ARID3A: variants seen among roughly 807,000 people sequenced by gnomAD.
ARID3A encodes AT-rich interaction domain 3A.
A neutral mutation model predicts 52.7 loss-of-function variants in ARID3A; 11 were observed. The observed-to-expected ratio is 0.21, with a 90% confidence interval of 0.13 to 0.35. The LOEUF (loss-of-function observed/expected upper bound fraction) is 0.35, where lower values mean the gene tolerates loss of function less well. ARID3A is among the 10% of genes least tolerant of loss of function. The pLI, the probability that ARID3A is intolerant of heterozygous loss-of-function variation, is 1.00. For missense variants in ARID3A, 721 were observed against 838.5 expected (o/e 0.86, Z 1.73); for synonymous variants, 404 against 359.4 (o/e 1.12, Z -1.40).
At chr19:968,584 C>T (rs1250517894) in intron 8 of ARID3A, 81 bp downstream of exon 8, 7 of 1,367,466 alleles carry the variant, frequency 5.1e-6, no homozygotes. Context: ...TGCGCCTGGT[C>T]CCACCTGCTT....
In ARID3A at chr19:974,183, C is replaced by T. The variant is rs369023137; in HGVS notation, c.*2118C>T. 11 of 224,304 alleles carry T rather than the reference C, an allele frequency of 4.9e-5. No homozygotes were observed. In the South Asian group the frequency reaches 1.6e-3, roughly 34 times the overall value. The allele number at this position is 224,304 out of a possible 1,614,324, so 13.9% of individuals were successfully genotyped here. A position where few individuals can be genotyped will look rare whatever the true frequency, so the allele number is the denominator to read the frequency against. On this transcript the variant is annotated 3_prime_UTR_variant, in exon 9 of 9. Transcript: ENST00000263620. ...TTCTGAGCCCCTGAGTCTAGGTTCA[C>T]TTTCCCGTCGGGCTGTGGGAGGGGA...
intron 4 of ARID3A, among the ~76,000 whole-genome samples, chr19:962,513 C>CTTTTT (rs539409112): frequency 0.038 from 4,428 of 115,100 alleles, 206 homozygotes; most frequent in Non-Finnish European, 0.053. Context: ...GCTGCTGATC[C>CTTTTT]TTTTTTTTTT....
chr19:953,654 G>A (rs1157400962), intron 3 of ARID3A, among the ~76,000 whole-genome samples: 1 of 152,226 alleles, frequency 6.6e-6, no homozygotes, highest in Non-Finnish European at 1.5e-5. Flanking sequence ...GCTGTGGAGG[G>A]GGCTCTGTCA....
At chr19:928,902 G>C (rs1177081538) in intron 1 of ARID3A, 1 of 152,312 alleles carries the variant, frequency 6.6e-6, no homozygotes, top group East Asian at 1.9e-4. Flanking sequence ...CTCCAACAGG[G>C]ACTCAGGCAG....
chr19:946,314 T>A (rs973083732), intron 3 of ARID3A, among the ~76,000 whole-genome samples: 1 of 152,090 alleles, frequency 6.6e-6, no homozygotes, highest in African/African-American at 2.4e-5. Context: ...CAGGCTGGAG[T>A]GCAGTGGTGC....
rs1247361512 is a variant in ARID3A, at chr19:941,844, C to T, written c.693+9102C>T. Among the ~76,000 whole-genome samples the T allele has an allele frequency of 6.6e-6, 1 of 150,852 alleles. No homozygotes were observed. The highest frequency in any genetic ancestry group is 2.0e-4 in the East Asian group (1 of 5,128). On this transcript the variant is annotated intron_variant, in intron 3 of 8. Coordinates refer to ENST00000263620, the MANE Select transcript of ARID3A (RefSeq NM_005224.3). The surrounding 1 kb of genome is among the most constrained non-coding windows in gnomAD (Gnocchi z 6.9). ...TGCAAGCGTATGTGTGTGTGCACGT[C>T]GAGGCTGGAGAGTGTGTGTCCAAAA...
At chr19:954,088 C>G (rs767117177) in intron 3 of ARID3A, among the ~76,000 whole-genome samples, 1 of 151,832 alleles carries the variant, frequency 6.6e-6, no homozygotes, top group Non-Finnish European at 1.5e-5. Flanking sequence ...GCGGAGGGAG[C>G]AGGAGAGGGC....
At chr19:949,031 A>G (rs1463316470) in intron 3 of ARID3A, among the ~76,000 whole-genome samples, 1 of 152,088 alleles carries the variant, frequency 6.6e-6, no homozygotes, top group Non-Finnish European at 1.5e-5. Flanking sequence ...TGGAGTCTAC[A>G]GCAGTGATGT....
intron 3 of ARID3A, among the ~76,000 whole-genome samples, chr19:956,152 G>A (rs544296038): frequency 6.6e-6 from 1 of 152,256 alleles, no homozygotes; most frequent in Admixed American, 6.5e-5. Context: ...GAATTTGGGT[G>A]GGGGATGGCG....
At chr19:935,588 C>T (rs532104213) in intron 3 of ARID3A, among the ~76,000 whole-genome samples, 2 of 152,290 alleles carry the variant, frequency 1.3e-5, no homozygotes, top group African/African-American at 4.8e-5. Flanking sequence ...AGCGATCCTT[C>T]TGCCTCAGCC....
In ARID3A at chr19:972,725, G is replaced by GATATCTAT. The variant is rs1006126875; in HGVS notation, c.*672_*679dup. The GATATCTAT allele has an allele frequency of 5.9e-6, 1 of 168,334 alleles. No homozygotes were observed. Among genetic ancestry groups the GATATCTAT allele is most frequent in the Admixed American group, 8.5e-5 (1 of 11,814 alleles). 10.4% of individuals were successfully genotyped at this position (168,334 alleles called of 1,614,324 possible). A position where few individuals can be genotyped will look rare whatever the true frequency, so the allele number is the denominator to read the frequency against. ...TGGGGGGATCAAACCTTAGGAAAAG[G>GATATCTAT]ATATCTATATATCTATATAGCTATA... On this transcript the variant is annotated 3_prime_UTR_variant, in exon 9 of 9. Coordinates refer to ENST00000263620, the MANE Select transcript of ARID3A (RefSeq NM_005224.3).
chr19:968,621 C>G, intron 8 of ARID3A, 118 bp downstream of exon 8: 1 of 869,982 alleles, frequency 1.1e-6, no homozygotes. Flanking sequence ...GCGAGCAGGG[C>G]ACGGCCAGGG....
chr19:940,607 C>G (rs534787615), intron 3 of ARID3A, among the ~76,000 whole-genome samples: 1 of 152,136 alleles, frequency 6.6e-6, no homozygotes, highest in South Asian at 2.1e-4. Context: ...CCAGCACAGG[C>G]GGGTGCTCTA....
At chr19:937,699 CTT>C (rs951435776) in intron 3 of ARID3A, among the ~76,000 whole-genome samples, 4 of 90,796 alleles carry the variant, frequency 4.4e-5, no homozygotes, top group Admixed American at 3.1e-4. Context: ...TTATTGTCGA[CTT>C]TTTTTTTTTT....
At chr19:967,810 C>T (rs941738968) in intron 7 of ARID3A, among the ~76,000 whole-genome samples, 20 of 152,086 alleles carry the variant, frequency 1.3e-4, no homozygotes, top group African/African-American at 4.6e-4. Flanking sequence ...TTTGGGAGGC[C>T]GAGGCGGGCA....
intron 3 of ARID3A, among the ~76,000 whole-genome samples, chr19:953,147 G>A (rs112135783): frequency 1.3e-4 from 20 of 152,058 alleles, no homozygotes; most frequent in African/African-American, 3.9e-4. Flanking sequence ...GGGGTGGTCC[G>A]GGCAGCCGGG....
At chr19:969,292 T>A (rs79214419) in intron 8 of ARID3A, among the ~76,000 whole-genome samples, 16,825 of 151,894 alleles carry the variant, frequency 0.11, 1,003 homozygotes, top group South Asian at 0.27. Context: ...GTTCCAGCAC[T>A]TCGGGAGGTT....
chr19:956,746 C>G (rs927231819), intron 3 of ARID3A: 4 of 152,492 alleles, frequency 2.6e-5, no homozygotes, highest in Non-Finnish European at 5.9e-5. Flanking sequence ...GGCTGCCCCC[C>G]CAGCCCCTTC....
chr19:949,006 C>T lies in ARID3A; in HGVS notation c.694-11086C>T, dbSNP rs890669448. Among the ~76,000 whole-genome samples the T allele has an allele frequency of 4.6e-5, 7 of 152,206 alleles. 1 individual carries two copies. The highest frequency in any genetic ancestry group is 3.9e-4 in the East Asian group (2 of 5,162). On this transcript the variant is annotated intron_variant, in intron 3 of 8. Coordinates refer to ENST00000263620, the MANE Select transcript of ARID3A (RefSeq NM_005224.3). The stretch of plus-strand genomic sequence containing the variant: ...TTATGGGATTACAGGCATGAGCCAC[C>T]GCGCGTGGCCATCCTGGAGTCTACA...
Sources: gnomAD v4.1 joint callset for allele counts (sites outside exome capture counted in the v4.1 genomes callset) on GRCh38, gnomAD v4.1.1 for gene constraint, Gnocchi (gnomAD v3.1) non-coding constraint, MANE v1.5 for transcripts, NCBI Gene and HGNC (gene_info 2026-07-23, HGNC 2026-07-21) for gene names.